TTN: variants seen among roughly 807,000 people sequenced by gnomAD.
TTN encodes titin.
In TTN, 1,525 loss-of-function variants were observed where a neutral mutation model predicts 3,223.0. The observed-to-expected ratio is 0.47, with a 90% CI of 0.45 to 0.49. TTN has a LOEUF of 0.49. Among genes scored for constraint, TTN ranks in the 20% least tolerant of loss-of-function variants. TTN has a pLI of 0.00. For synonymous variants in TTN, 14,094 were observed against 15,161.0 expected (o/e 0.93, Z 5.17); for missense variants, 40,786 against 43,424.0 (o/e 0.94, Z 5.40).
intron 312 of TTN, 118 bp downstream of exon 312, chr2:178,583,489 A>T: frequency 1.4e-5 from 16 of 1,145,838 alleles, no homozygotes; most frequent in Non-Finnish European, 1.9e-5. Flanking sequence ...GTGTCTATAT[A>T]CAAAACATCA....
intron 252 of TTN, 50 bp downstream of exon 252, chr2:178,618,139 A>G: frequency 4.3e-6 from 7 of 1,610,174 alleles, no homozygotes; most frequent in Non-Finnish European, 5.9e-6. Context: ...ATGAAGGCAA[A>G]GACTGCAATT....
chr2:178,532,441 T>G lies in TTN; in HGVS notation c.104174A>C (p.Asp34725Ala), dbSNP rs771698375. Residue 34725 changes from aspartate to alanine, a missense_variant, in exon 358 of 363, where the codon GAC (aspartate) becomes GCC (alanine). Transcript: ENST00000589042. The part of the protein sequence containing the change: ...AHVKVEETRK[D>A]FRYSTYHIPT... ...GATGTGATAGGTTGAATACCTGAAG[T>G]CTTTTCTTGTTTCCTCCACCTTGAC... 2 of 1,613,990 alleles carry G rather than the reference T, an allele frequency of 1.2e-6. No homozygotes were observed. The highest frequency in any genetic ancestry group is 3.3e-5 in the Admixed American group (2 of 60,014).
Position 178,553,963 on chromosome 2 carries a change from C to T in TTN, c.89148G>A (p.Gln29716=), listed in dbSNP as rs1268013797. The change falls in exon 333 of 363, where the codon CAG becomes CAA. Residue 29716 remains glutamine (Q), a synonymous_variant. Coordinates refer to ENST00000589042, the MANE Select transcript of TTN (RefSeq NM_001267550.2). ...YRVCAVNAAG[Q]GPFSEPSEFY... ...ATTCAGATGGTTCAGAAAATGGACC[C>T]TGTCCAGCAGCGTTTACAGCACAAA... 2 of 1,609,826 alleles carry T rather than the reference C, an allele frequency of 1.2e-6. No individual in the cohort carries two copies. Among genetic ancestry groups the T allele is most frequent in the African/African-American group, 1.3e-5 (1 of 74,766 alleles).
intron 18 of TTN, 35 bp from the exon 19 acceptor site, chr2:178,782,637 A>C (rs2092881209): frequency 1.2e-6 from 2 of 1,611,934 alleles, no homozygotes; most frequent in Non-Finnish European, 1.7e-6. Context: ...TTGAGATGAG[A>C]TGTTTAGTGA....
chr2:178,676,115 G>A (rs1237970809), intron 147 of TTN, 120 bp from the exon 148 acceptor site: 4 of 842,026 alleles, frequency 4.8e-6, no homozygotes, highest in Non-Finnish European at 7.2e-6. Context: ...GGTCTGTCAT[G>A]TTAGTTGGGA....
rs1178553128 is a variant in TTN, at chr2:178,800,523, A to G, written c.455T>C (p.Ile152Thr). The G allele has an allele frequency of 2.5e-6, 4 of 1,614,132 alleles. No homozygotes were observed. In the Admixed American group the frequency reaches 5.0e-5, roughly 20 times the overall value. Residue 152 changes from isoleucine to threonine, a missense_variant, in exon 4 of 363, where the codon ATT becomes ACT. Ile to Thr is a moderately conservative substitution (Grantham distance 89). Coordinates refer to ENST00000589042, the MANE Select transcript of TTN (RefSeq NM_001267550.2). ...AEIQSSLDFQ[I>T]SQEGDLYSLL... Reference sequence around the variant, plus strand: ...GCTGTAGAGGTCGCCTTCTTGTGAAATTTGGAAATCAAGGGAGCTCTGGAT... The same window carrying G: ...GCTGTAGAGGTCGCCTTCTTGTGAAGTTTGGAAATCAAGGGAGCTCTGGAT...
At chr2:178,702,309 A>G in intron 107 of TTN, 64 bp from the exon 108 acceptor site, 1 of 1,608,678 alleles carries the variant, frequency 6.2e-7, no homozygotes, top group Non-Finnish European at 8.5e-7. Flanking sequence ...TCTTTACTTC[A>G]ATATACGTAT....
intron 46 of TTN, 100 bp downstream of exon 46, chr2:178,756,122 A>C: frequency 1.1e-6 from 1 of 878,658 alleles, no homozygotes; most frequent in Non-Finnish European, 1.8e-6. Flanking sequence ...ATTTAGAGAT[A>C]TTCTAATTAA....
rs769665176 is a variant in TTN at position 178,778,863 on chromosome 2, A to G, written c.4208+11T>C. 2 of 1,613,798 alleles carry G rather than the reference A, an allele frequency of 1.2e-6. No individual in the cohort carries two copies. Among genetic ancestry groups the G allele is most frequent in the Non-Finnish European group, 1.7e-6 (2 of 1,179,812 alleles). ...TACATACTAAATAACCCAAATTATT[A>G]CAAGTCTTACCTGATTCTGCTCACT... On this transcript the variant is annotated intron_variant, in intron 24 of 362. Transcript: ENST00000589042.
In TTN at chr2:178,543,261, C is replaced by G. The variant is rs758769330; in HGVS notation, c.96712G>C (p.Val32238Leu). 1 of 1,613,772 alleles carries G rather than the reference C, an allele frequency of 6.2e-7. No homozygotes were observed. Among genetic ancestry groups the G allele is most frequent in the Non-Finnish European group, 8.5e-7 (1 of 1,179,784 alleles). The change falls in exon 347 of 363, where the codon GTT becomes CTT. Residue 32238 changes from valine (V) to leucine (L), a missense_variant. By Grantham distance (32) the Val-to-Leu change is conservative (BLOSUM62 1). Coordinates refer to ENST00000589042, the MANE Select transcript of TTN (RefSeq NM_001267550.2). ...GTGCCAGCTTTGCAGGCCTCGAGAA[C>G]ATATCCAGTGAGTCGGCTACCACCA... Reference protein sequence around the residue: ...YDGGSRLTGYVLEACKAGTER... With the variant: ...YDGGSRLTGYLLEACKAGTER...
At chr2:178,596,955 A>G (rs2051834474) in intron 294 of TTN, among the ~76,000 whole-genome samples, 1 of 152,090 alleles carries the variant, frequency 6.6e-6, no homozygotes, top group African/African-American at 2.4e-5. Context: ...GCTTCTCTTC[A>G]ATTAGAATAC....
rs1308315040 is a variant in TTN, at chr2:178,732,163, T to C, written c.16806A>G (p.Arg5602=). The C allele has an allele frequency of 1.2e-6, 2 of 1,613,812 alleles. No homozygotes were observed. Among genetic ancestry groups the C allele is most frequent in the Non-Finnish European group, 1.7e-6 (2 of 1,179,762 alleles). ...MSFVESTAVL[R]LTDVGIEDSG... ...TGTCTTCGATGCCAACATCTGTCAG[T>C]CTTAGAACTGCAGTAGACTCCACAA... The change falls in exon 57 of 363, where the codon AGA becomes AGG. Residue 5602 remains arginine (R), a synonymous_variant. Coordinates refer to ENST00000589042, the MANE Select transcript of TTN (RefSeq NM_001267550.2).
Position 178,768,151 on chromosome 2 carries a change from A to G in TTN, c.9168T>C (p.Arg3056=). The G allele has an allele frequency of 6.2e-7, 1 of 1,614,040 alleles. No homozygotes were observed. Among genetic ancestry groups the G allele is most frequent in the African/African-American group, 1.3e-5 (1 of 75,040 alleles). ...TSTATLYVEA[R]HIEFRKHIKD... ...TAATGTGTTTCCTAAATTCTATATG[A>G]CGAGCTGGAAAATAGCATGTAGAAA... is the stretch of plus-strand genomic sequence containing the variant. Residue 3056 remains arginine, a synonymous_variant, in exon 39 of 363, where the codon CGT becomes CGC. Coordinates refer to ENST00000589042, the MANE Select transcript of TTN (RefSeq NM_001267550.2).
intron 287 of TTN, 31 bp from the exon 288 acceptor site, chr2:178,601,202 G>C (rs373333820): frequency 1.3e-5 from 20 of 1,519,954 alleles, no homozygotes; most frequent in Admixed American, 4.5e-5. Context: ...AGTATTAAGC[G>C]TTGTTTATAA....
Position 178,531,037 on chromosome 2 carries a change from G to A in TTN, c.105578C>T (p.Ala35193Val), listed in dbSNP as rs1380574216. 1 of 1,613,954 alleles carries A rather than the reference G, an allele frequency of 6.2e-7. No homozygotes were observed. The highest frequency in any genetic ancestry group is 2.2e-5 in the East Asian group (1 of 44,884). Residue 35193 changes from alanine to valine, a missense_variant, in exon 358 of 363, where the codon GCT becomes GTT. Transcript: ENST00000589042. ...CACGCTGTAATTGCCCTCATCGGAA[G>A]CCTGGACTGAAGAGATCTCAAAGGT... ...KSTFEISSVQ[A>V]SDEGNYSVVV...
In TTN at chr2:178,551,858, G is replaced by A. The variant is rs746285549; in HGVS notation, c.91042C>T (p.Pro30348Ser). The A allele has an allele frequency of 6.2e-7, 1 of 1,613,804 alleles. No individual in the cohort carries two copies. The highest frequency in any genetic ancestry group is 8.5e-7 in the Non-Finnish European group (1 of 1,179,792). The change falls in exon 335 of 363, where the codon CCA becomes TCA. Residue 30348 changes from proline to serine, a missense_variant. By Grantham distance (74) the Pro-to-Ser change is moderately conservative (BLOSUM62 -1). Transcript: ENST00000589042. ...ACTTCTGAACCACCATCATAAACTG[G>A]AGCATCCCAAGTTAGTGACATGCCA... is the stretch of plus-strand genomic sequence containing the variant. Reference protein sequence around the residue: ...SDGMSLTWDAPVYDGGSEVTG... With the variant: ...SDGMSLTWDASVYDGGSEVTG...
intron 239 of TTN, 65 bp downstream of exon 239, chr2:178,630,176 T>G: frequency 1.2e-6 from 2 of 1,600,440 alleles, no homozygotes; most frequent in African/African-American, 1.3e-5. Context: ...TCCAATTAAT[T>G]TCACTCACAT....
In TTN at chr2:178,537,155, G is replaced by A. The variant is rs765089470; in HGVS notation, c.99954C>T (p.Asp33318=). The change falls in exon 356 of 363, where the codon GAC becomes GAT. Residue 33318 remains aspartate, a synonymous_variant. Transcript: ENST00000589042. The stretch of plus-strand genomic sequence containing the variant: ...CATAGTTGGTGATCCAGGAGCCTCC[G>A]TCATCTGCGGGTGGTTTCCAGCTGA... ...AVISWKPPAD[D]GGSWITNYVV... 5.0e-6 allele frequency: 8 copies of A among 1,613,460 alleles called. No individual in the cohort carries two copies. The highest frequency in any genetic ancestry group is 1.6e-4 in the Middle Eastern group (1 of 6,082).
intron 216 of TTN, 52 bp from the exon 217 acceptor site, chr2:178,646,082 T>C (rs2061893704): frequency 2.1e-6 from 1 of 474,344 alleles, no homozygotes; most frequent in Non-Finnish European, 3.2e-6. Flanking sequence ...AGCATGTGGA[T>C]ATGTAGTATA....
Sources: gnomAD v4.1 joint callset for allele counts (sites outside exome capture counted in the v4.1 genomes callset) on GRCh38, gnomAD v4.1.1 for gene constraint, MANE v1.5 for transcripts, NCBI Gene and HGNC (gene_info 2026-07-23, HGNC 2026-07-21) for gene names.